MND1: variants seen among roughly 807,000 people sequenced by gnomAD.
MND1 encodes the protein meiotic nuclear division protein 1 homolog.
MND1 carries 28 observed loss-of-function variants against 35.1 expected under a neutral mutation model. The observed-to-expected ratio is 0.80, with a 90% confidence interval of 0.59 to 1.09. MND1 has a LOEUF of 1.09. Among genes scored for constraint, MND1 ranks in the 50% least tolerant of loss-of-function variants. MND1 has a pLI of 0.00. For missense variants in MND1, 213 were observed against 239.6 expected (o/e 0.89, Z 0.73); for synonymous variants, 69 against 70.5 (o/e 0.98, Z 0.11).
intron 6 of MND1, among the ~76,000 whole-genome samples, chr4:153,399,890 ATTTTTTTTTTT>A (rs34815482): frequency 1.4e-5 from 1 of 71,120 alleles, no homozygotes; most frequent in Non-Finnish European, 2.4e-5. Context: ...TTTCAGTGAG[ATTTTTTTTTTT>A]TTTTTTTTTT....
chr4:153,355,022 G>A (rs1773305300), intron 2 of MND1, among the ~76,000 whole-genome samples: 1 of 152,046 alleles, frequency 6.6e-6, no homozygotes, highest in African/African-American at 2.4e-5. Context: ...AAATTAGCCA[G>A]GCATGGTGGT....
intron 4 of MND1, among the ~76,000 whole-genome samples, chr4:153,387,453 A>G (rs1054037815): frequency 6.6e-6 from 1 of 152,144 alleles, no homozygotes; most frequent in Non-Finnish European, 1.5e-5. Context: ...TAGAAGATAC[A>G]AATTTTAAAT....
At chr4:153,381,688 ATATATTTTTTTTTT>A (rs1397412888) in intron 4 of MND1, 20 of 24,442 alleles carry the variant, frequency 8.2e-4, no homozygotes, top group Admixed American at 5.2e-3. Flanking sequence ...ATATATATAT[ATATATTTTTTTTTT>A]TTTTTTTTTT....
At chr4:153,380,024 A>G (rs1251784310) in intron 4 of MND1, among the ~76,000 whole-genome samples, 2 of 151,966 alleles carry the variant, frequency 1.3e-5, no homozygotes, top group Non-Finnish European at 2.9e-5. Flanking sequence ...CTATCCCCCC[A>G]TACCAAAAAA....
chr4:153,392,972 T>C (rs995861642), intron 4 of MND1, among the ~76,000 whole-genome samples: 14 of 152,088 alleles, frequency 9.2e-5, no homozygotes, highest in African/African-American at 2.9e-4. Context: ...ATTATTAAAA[T>C]AGCTGATTGT....
In MND1 at chr4:153,350,069, G is replaced by A; in HGVS notation, c.9G>A (p.Lys3=). ...TGTTAATTTTTTTGCTTTAGTCAAA[G>A]AAAAAAGGACTGAGTGCAGAAGAAA... MS[K]KKGLSAEEKR... Residue 3 remains lysine, a synonymous_variant, in exon 2 of 8, where the codon AAG becomes AAA. Transcript: ENST00000240488. 1 of 1,592,618 alleles carries A rather than the reference G, an allele frequency of 6.3e-7. No individual in the cohort carries two copies. The highest frequency in any genetic ancestry group is 8.5e-7 in the Non-Finnish European group (1 of 1,171,360).
At chr4:153,366,124 G>A (rs1417832617) in intron 4 of MND1, among the ~76,000 whole-genome samples, 2 of 152,176 alleles carry the variant, frequency 1.3e-5, no homozygotes, top group Admixed American at 6.5e-5. Context: ...ACTTGTTGCT[G>A]CATCACTCTA....
At chr4:153,376,723 G>A (rs759321762) in intron 4 of MND1, among the ~76,000 whole-genome samples, 8 of 152,036 alleles carry the variant, frequency 5.3e-5, no homozygotes, top group Non-Finnish European at 7.4e-5. Flanking sequence ...ACCCCTGTCC[G>A]TCCCTTCCAC....
intron 4 of MND1, among the ~76,000 whole-genome samples, chr4:153,385,923 G>C (rs1191638158): frequency 6.6e-6 from 1 of 152,090 alleles, no homozygotes; most frequent in African/African-American, 2.4e-5. Context: ...TTAGAATCCA[G>C]AGGGCAGGGA....
At chr4:153,367,886 A>T (rs964587086) in intron 4 of MND1, among the ~76,000 whole-genome samples, 1 of 152,148 alleles carries the variant, frequency 6.6e-6, no homozygotes, top group Non-Finnish European at 1.5e-5. Flanking sequence ...TGTGGGTATG[A>T]AGTGGTATCT....
At chr4:153,383,007 A>G (rs1455812398) in intron 4 of MND1, among the ~76,000 whole-genome samples, 1 of 152,234 alleles carries the variant, frequency 6.6e-6, no homozygotes, top group East Asian at 1.9e-4. Flanking sequence ...GGAAAAAAGC[A>G]ATTCCATATG....
At chr4:153,390,237 T>C (rs1212511598) in intron 4 of MND1, among the ~76,000 whole-genome samples, 1 of 152,196 alleles carries the variant, frequency 6.6e-6, no homozygotes, top group Non-Finnish European at 1.5e-5. Flanking sequence ...TCATTGTTTG[T>C]TTCCAGTGGT....
chr4:153,358,514 T>G lies in MND1; in HGVS notation c.168T>G (p.Asp56Glu). Residue 56 changes from aspartate to glutamate, a missense_variant, in exon 4 of 8, where the codon GAT becomes GAG. By Grantham distance (45) the Asp-to-Glu change is conservative. Coordinates refer to ENST00000240488, the MANE Select transcript of MND1 (RefSeq NM_032117.4). ...SVKEVLQSLV[D>E]DGMVDCERIG... ...AAGAAGTCCTTCAAAGCTTAGTTGATGATGGTATGGTTGACTGTGAGAGGA... is the reference window on the plus strand; with the variant it reads ...AAGAAGTCCTTCAAAGCTTAGTTGAGGATGGTATGGTTGACTGTGAGAGGA... 1 of 1,611,994 alleles carries G rather than the reference T, an allele frequency of 6.2e-7. No homozygotes were observed. The highest frequency in any genetic ancestry group is 8.5e-7 in the Non-Finnish European group (1 of 1,179,060).
At chr4:153,382,271 A>G (rs1728731861) in intron 4 of MND1, among the ~76,000 whole-genome samples, 1 of 152,194 alleles carries the variant, frequency 6.6e-6, no homozygotes, top group Non-Finnish European at 1.5e-5. Flanking sequence ...TTTAAATTAT[A>G]TTAATTGTTA....
chr4:153,363,215 T>G (rs989037947), intron 4 of MND1, among the ~76,000 whole-genome samples: 1 of 32,668 alleles, frequency 3.1e-5, no homozygotes, highest in Non-Finnish European at 5.0e-5. Context: ...GGGATAGTTC[T>G]TTTTTTTTTT....
chr4:153,358,760 T>C (rs1773408007), intron 4 of MND1, 138 bp downstream of exon 4: 2 of 754,840 alleles, frequency 2.6e-6, no homozygotes, highest in African/African-American at 3.6e-5. Flanking sequence ...AATTAACATC[T>C]GTTTCTCCTA....
chr4:153,384,433 C>G (rs1460039192), intron 4 of MND1, among the ~76,000 whole-genome samples: 3 of 112,470 alleles, frequency 2.7e-5, no homozygotes, highest in Non-Finnish European at 5.5e-5. Context: ...CCATGCCCAG[C>G]TAATGTTTAA....
chr4:153,408,526 A>G (rs1274929479), intron 6 of MND1, among the ~76,000 whole-genome samples: 1 of 152,134 alleles, frequency 6.6e-6, no homozygotes, highest in Non-Finnish European at 1.5e-5. Context: ...TCTTATCCCT[A>G]AAATTTTTTT....
At chr4:153,369,597 G>A (rs1201635341) in intron 4 of MND1, among the ~76,000 whole-genome samples, 1 of 152,180 alleles carries the variant, frequency 6.6e-6, no homozygotes, top group Non-Finnish European at 1.5e-5. Context: ...GCTAAAAAAT[G>A]CTGATGAGCA....
Sources: gnomAD v4.1 joint callset for allele counts (sites outside exome capture counted in the v4.1 genomes callset) on GRCh38, gnomAD v4.1.1 for gene constraint, MANE v1.5 for transcripts, NCBI Gene and HGNC (gene_info 2026-07-23, HGNC 2026-07-21) for gene names.